The following LIN28A variants were observed in gnomAD, a reference collection of about 807,000 sequenced individuals.
LIN28A encodes the protein protein lin-28 homolog A.
LIN28A carries 11 observed loss-of-function variants against 21.1 expected under a neutral mutation model. The ratio of observed to expected loss-of-function variants is 0.52; its 90% confidence interval spans 0.33 to 0.86. The LOEUF is 0.86. LIN28A is among the 40% of genes least tolerant of loss of function. The pLI is 0.03. For synonymous variants in LIN28A, 111 were observed against 108.7 expected, an observed-to-expected ratio of 1.02 and a Z score of -0.13; for missense variants, 219 against 279.8, an observed-to-expected ratio of 0.78 and a Z score of 1.55.
rs1352075939 is a variant in LIN28A, at chr1:26,429,696, A to C, written c.*3238A>C. 6.6e-6 allele frequency: 1 copy of C among 152,212 alleles called. No individual in the cohort carries two copies. Among genetic ancestry groups the C allele is most frequent in the African/African-American group, 2.4e-5 (1 of 41,444 alleles). The allele number at this position is 152,212 out of a possible 1,614,324, so 9.4% of individuals were successfully genotyped here. ...TCCTTTCCCTGGGAAAATACAATGAATAAATAAAGACTTATTGGTACGCAA... is the reference window on the plus strand; with the variant it reads ...TCCTTTCCCTGGGAAAATACAATGACTAAATAAAGACTTATTGGTACGCAA... On this transcript the variant is annotated 3_prime_UTR_variant, in exon 4 of 4. Transcript: ENST00000326279.
chr1:26,414,232 A>C (rs915014943), intron 2 of LIN28A, among the ~76,000 whole-genome samples: 1 of 136,396 alleles, frequency 7.3e-6, no homozygotes, highest in African/African-American at 2.5e-5. Context: ...TTCCCGAAGC[A>C]GAGGGTAAGA....
At chr1:26,418,295 C>T (rs1377510723) in intron 2 of LIN28A, among the ~76,000 whole-genome samples, 1 of 152,024 alleles carries the variant, frequency 6.6e-6, no homozygotes, top group Admixed American at 6.5e-5. Flanking sequence ...GCCTGTAATC[C>T]CAGCACTTTG....
chr1:26,424,632 G>A (rs1485568422), intron 2 of LIN28A, among the ~76,000 whole-genome samples: 2 of 152,124 alleles, frequency 1.3e-5, no homozygotes, highest in Non-Finnish European at 2.9e-5. Context: ...GTGCAAAGGC[G>A]CCATCTTGGC....
At chr1:26,420,798 T>C (rs1357154058) in intron 2 of LIN28A, among the ~76,000 whole-genome samples, 2 of 152,132 alleles carry the variant, frequency 1.3e-5, no homozygotes, top group Non-Finnish European at 2.9e-5. Flanking sequence ...CCATTTTCTA[T>C]GACGACTACT....
At chr1:26,414,039 G>T (rs1295443134) in intron 2 of LIN28A, among the ~76,000 whole-genome samples, 3 of 152,026 alleles carry the variant, frequency 2.0e-5, no homozygotes, top group African/African-American at 7.2e-5. Flanking sequence ...ACGTTGGTCA[G>T]GCTGGTCTTG....
chr1:26,426,686 GA>G lies in LIN28A; in HGVS notation c.*229del. On this transcript the variant is annotated 3_prime_UTR_variant, in exon 4 of 4. Coordinates refer to ENST00000326279, the MANE Select transcript of LIN28A (RefSeq NM_024674.6). ...AAGTGAGGGTTCTGGGGGCAACCAG[GA>G]GGGGGGAATCACCCTACAACCTGCA... is the stretch of plus-strand genomic sequence containing the variant. 1.9e-6 allele frequency: 1 copy of G among 523,400 alleles called. No homozygotes were observed. Among genetic ancestry groups the G allele is most frequent in the Non-Finnish European group, 3.5e-6 (1 of 286,024 alleles). 32.4% of individuals were successfully genotyped at this position (523,400 alleles called of 1,614,324 possible).
rs1169947679 is a variant in LIN28A at position 26,425,518 on chromosome 1, G to C, written c.413+31G>C. 5.0e-6 allele frequency: 8 copies of C among 1,595,656 alleles called. No individual in the cohort carries two copies. The African/African-American group carries it at 9.4e-5, about 19-fold the overall frequency. On this transcript the variant is annotated intron_variant, in intron 3 of 3. Transcript: ENST00000326279. Reference sequence around the variant, plus strand: ...GATTGGAAGGCAGCTTATATAGGTTGCTAAGGGCATCCCCAGTCTCCCAAT... The same window carrying C: ...GATTGGAAGGCAGCTTATATAGGTTCCTAAGGGCATCCCCAGTCTCCCAAT...
intron 2 of LIN28A, among the ~76,000 whole-genome samples, chr1:26,421,620 G>T (rs1237782359): frequency 6.6e-6 from 1 of 152,188 alleles, no homozygotes; most frequent in Non-Finnish European, 1.5e-5. Flanking sequence ...TACAAAGTCT[G>T]TAGGAATATG....
In LIN28A at chr1:26,429,561, G is replaced by C. The variant is rs1285148945; in HGVS notation, c.*3103G>C. On this transcript the variant is annotated 3_prime_UTR_variant, in exon 4 of 4. Transcript: ENST00000326279. ...AGACTGAGCCCCTTTGGGCTTTGGT[G>C]ACCCCATCACTGGGGTGTGTTTATT... 1 of 152,290 alleles carries C rather than the reference G, an allele frequency of 6.6e-6. No homozygotes were observed. The highest frequency in any genetic ancestry group is 1.5e-5 in the Non-Finnish European group (1 of 68,038). 9.4% of individuals were successfully genotyped at this position (152,290 alleles called of 1,614,324 possible).
intron 2 of LIN28A, among the ~76,000 whole-genome samples, chr1:26,419,128 A>G (rs557872858): frequency 1.3e-5 from 2 of 151,102 alleles, no homozygotes; most frequent in East Asian, 2.0e-4. Flanking sequence ...TGGGGGTGGA[A>G]TGGGGGTGGT....
Position 26,426,719 on chromosome 1 carries a change from G to A in LIN28A, c.*261G>A, listed in dbSNP as rs1023620068. On this transcript the variant is annotated 3_prime_UTR_variant, in exon 4 of 4. Transcript: ENST00000326279. ...AATCACCCTACAACCTGCATACTTT[G>A]AGTCTCCATCCCCAGAATTTCCAGC... 2.3e-5 allele frequency: 10 copies of A among 426,194 alleles called. No homozygotes were observed. Among genetic ancestry groups the A allele is most frequent in the African/African-American group, 4.0e-5 (2 of 50,166 alleles). The allele number at this position is 426,194 out of a possible 1,614,324, so 26.4% of individuals were successfully genotyped here.
chr1:26,416,515 G>A (rs1294789119), intron 2 of LIN28A, among the ~76,000 whole-genome samples: 2 of 152,184 alleles, frequency 1.3e-5, no homozygotes, highest in Non-Finnish European at 2.9e-5. Context: ...CTTCCTGCAG[G>A]CATGAATAGC....
chr1:26,420,854 G>A (rs2075024843), intron 2 of LIN28A, among the ~76,000 whole-genome samples: 1 of 152,062 alleles, frequency 6.6e-6, no homozygotes, highest in Admixed American at 6.6e-5. Flanking sequence ...AATAGATGAA[G>A]CTGTAATGAA....
chr1:26,426,204 C>G, intron 3 of LIN28A, 38 bp from the exon 4 acceptor site: 1 of 1,567,114 alleles, frequency 6.4e-7, no homozygotes. Flanking sequence ...CCTCTTCTTG[C>G]TCCTTTCTCT....
intron 2 of LIN28A, among the ~76,000 whole-genome samples, 158 bp from the exon 3 acceptor site, chr1:26,425,142 TTTG>T (rs1374228318): frequency 1.3e-5 from 2 of 152,226 alleles, no homozygotes; most frequent in African/African-American, 2.4e-5. Flanking sequence ...ACTGGTAGAC[TTTG>T]TTGTTCTTAA....
At chr1:26,424,492 A>G (rs6694351) in intron 2 of LIN28A, among the ~76,000 whole-genome samples, 46,702 of 151,732 alleles carry the variant, frequency 0.31, 8,524 homozygotes, top group East Asian at 0.73. Context: ...CACCTGCTTC[A>G]GCCTCCCAAA....
chr1:26,416,011 G>A (rs368393885), intron 2 of LIN28A, among the ~76,000 whole-genome samples: 5 of 151,674 alleles, frequency 3.3e-5, no homozygotes, highest in African/African-American at 1.2e-4. Context: ...TTTATTTTTT[G>A]AGATAGAGTC....
chr1:26,415,221 T>C (rs1001847098), intron 2 of LIN28A, among the ~76,000 whole-genome samples: 1 of 152,216 alleles, frequency 6.6e-6, no homozygotes, highest in Admixed American at 6.5e-5. Context: ...AGGTTTTCAA[T>C]ACCTAGACAA....
chr1:26,418,022 A>C (rs1476429893), intron 2 of LIN28A, among the ~76,000 whole-genome samples: 1 of 150,218 alleles, frequency 6.7e-6, no homozygotes. Flanking sequence ...TTTTCTCTTC[A>C]TACTTTTTTC....
Sources: gnomAD v4.1 joint callset for allele counts (sites outside exome capture counted in the v4.1 genomes callset) on GRCh38, gnomAD v4.1.1 for gene constraint, MANE v1.5 for transcripts, NCBI Gene and HGNC (gene_info 2026-07-23, HGNC 2026-07-21) for gene names.